Variants in TRIM44 observed in about 807,000 individuals in gnomAD.
The protein encoded by TRIM44 is tripartite motif containing 44, also known as tripartite motif-containing protein 44.
TRIM44 carries 13 observed loss-of-function variants against 37.4 expected under a neutral mutation model. That is an observed-to-expected ratio of 0.35 (90% CI 0.23 to 0.55). The LOEUF (loss-of-function observed/expected upper bound fraction) is 0.55, where lower values mean the gene tolerates loss of function less well. TRIM44 is among the 20% of genes least tolerant of loss of function. The pLI, the probability that TRIM44 is intolerant of heterozygous loss-of-function variation, is 0.89. For synonymous variants in TRIM44, 175 were observed against 157.2 expected (o/e 1.11, Z -0.85); for missense variants, 426 against 437.2 (o/e 0.97, Z 0.23).
At chr11:35,716,055 T>A (rs1192183056) in intron 2 of TRIM44, among the ~76,000 whole-genome samples, 1 of 151,980 alleles carries the variant, frequency 6.6e-6, no homozygotes, top group Non-Finnish European at 1.5e-5. Context: ...CCAAACCATA[T>A]CCAAAAGCAT....
At chr11:35,795,907 G>A (rs541433069) in intron 4 of TRIM44, among the ~76,000 whole-genome samples, 19 of 152,144 alleles carry the variant, frequency 1.2e-4, no homozygotes, top group Non-Finnish European at 2.8e-4. Flanking sequence ...ACTATGTCAA[G>A]CTCTTTATAT....
At chr11:35,692,456 A>G (rs1037763286) in intron 2 of TRIM44, among the ~76,000 whole-genome samples, 2 of 152,090 alleles carry the variant, frequency 1.3e-5, no homozygotes, top group African/African-American at 4.8e-5. Context: ...TGAATTTTGG[A>G]TTTTCAAATA....
At chr11:35,785,789 CAT>C (rs1853124553) in intron 4 of TRIM44, among the ~76,000 whole-genome samples, 1 of 152,218 alleles carries the variant, frequency 6.6e-6, no homozygotes, top group Admixed American at 6.5e-5. Context: ...TCATCCTACA[CAT>C]GTCTTTTGCC....
intron 4 of TRIM44, among the ~76,000 whole-genome samples, chr11:35,797,674 G>A (rs545584699): frequency 5.9e-5 from 9 of 152,262 alleles, no homozygotes; most frequent in East Asian, 1.9e-4. Context: ...GACAGCTTCC[G>A]ATTGAGGGAC....
chr11:35,757,501 A>T (rs994948620), intron 4 of TRIM44, among the ~76,000 whole-genome samples: 1 of 152,048 alleles, frequency 6.6e-6, no homozygotes, highest in Non-Finnish European at 1.5e-5. Context: ...TATTTCCTTC[A>T]GTTCTGTTCT....
chr11:35,791,574 C>T (rs796336166), intron 4 of TRIM44, among the ~76,000 whole-genome samples: 4 of 152,148 alleles, frequency 2.6e-5, no homozygotes, highest in African/African-American at 4.8e-5. Context: ...ACTGGACCAT[C>T]GCACATTTTA....
intron 4 of TRIM44, among the ~76,000 whole-genome samples, chr11:35,776,151 G>C (rs1248310626): frequency 2.0e-5 from 3 of 152,190 alleles, no homozygotes; most frequent in East Asian, 1.9e-4. Context: ...TTCAGAGCCT[G>C]TTATTGGTCT....
intron 2 of TRIM44, among the ~76,000 whole-genome samples, chr11:35,701,620 A>G (rs2135501040): frequency 6.6e-6 from 1 of 152,282 alleles, no homozygotes; most frequent in South Asian, 2.1e-4. Context: ...TCGAGCTCCC[A>G]AGGACATAAC....
intron 4 of TRIM44, among the ~76,000 whole-genome samples, chr11:35,757,001 C>T (rs1342057862): frequency 6.6e-6 from 1 of 152,160 alleles, no homozygotes; most frequent in South Asian, 2.1e-4. Flanking sequence ...GCTTTGGTAT[C>T]AGGATGATGC....
At chr11:35,716,989 G>C (rs1363353637) in intron 2 of TRIM44, among the ~76,000 whole-genome samples, 2 of 152,096 alleles carry the variant, frequency 1.3e-5, no homozygotes, top group African/African-American at 4.8e-5. Flanking sequence ...TCTAATATGT[G>C]GGGCACTGAA....
intron 2 of TRIM44, among the ~76,000 whole-genome samples, chr11:35,722,218 T>C (rs1273560184): frequency 6.6e-6 from 1 of 152,194 alleles, no homozygotes; most frequent in Non-Finnish European, 1.5e-5. Context: ...TTTGGGGAGA[T>C]ATTTAGAGTC....
chr11:35,792,842 C>G (rs1590604871), intron 4 of TRIM44, among the ~76,000 whole-genome samples: 1 of 152,276 alleles, frequency 6.6e-6, no homozygotes, highest in East Asian at 1.9e-4. Flanking sequence ...ATCACTGGTT[C>G]CCTGATGGCA....
At chr11:35,724,102 T>G (rs1262132020) in intron 2 of TRIM44, among the ~76,000 whole-genome samples, 1 of 152,194 alleles carries the variant, frequency 6.6e-6, no homozygotes, top group African/African-American at 2.4e-5. Flanking sequence ...ACTTAGTCAC[T>G]TGATGTGTGA....
intron 4 of TRIM44, among the ~76,000 whole-genome samples, chr11:35,792,676 A>G (rs1853230538): frequency 6.6e-6 from 1 of 152,192 alleles, no homozygotes; most frequent in African/African-American, 2.4e-5. Context: ...CATGTTGCCA[A>G]ACTAGGGGTA....
chr11:35,759,269 C>A (rs184394740), intron 4 of TRIM44, among the ~76,000 whole-genome samples: 2 of 152,298 alleles, frequency 1.3e-5, no homozygotes, highest in African/African-American at 2.4e-5. Context: ...ATCACTGATA[C>A]CCTTTCTACC....
rs34392570 is a variant in TRIM44, at chr11:35,663,285, C to G, written c.174C>G (p.Ala58=). Residue 58 remains alanine (A), a synonymous_variant, in exon 1 of 5, where the codon GCC becomes GCG. Transcript: ENST00000299413. ...AGAAGTTCCTCAGTCACCATCTGGC[C>G]GAATACGTCCACGGCTCCCAGGCCT... The part of the protein sequence containing the change: ...HRQKFLSHHL[A]EYVHGSQAWT... The G allele has an allele frequency of 1.9e-6, 3 of 1,614,032 alleles. No individual in the cohort carries two copies. The highest frequency in any genetic ancestry group is 1.1e-5 in the South Asian group (1 of 91,084).
intron 4 of TRIM44, among the ~76,000 whole-genome samples, chr11:35,775,954 G>A (rs1201466212): frequency 6.6e-6 from 1 of 152,140 alleles, no homozygotes; most frequent in Admixed American, 6.5e-5. Context: ...GTCTCTGCCA[G>A]GCTTTGGTAT....
At position 35,683,394 on chromosome 11, in the gene TRIM44, A is replaced by G. The variant is rs60948172; in HGVS notation, c.670-1865A>G. On this transcript the variant is annotated intron_variant, in intron 1 of 4. Coordinates refer to ENST00000299413, the MANE Select transcript of TRIM44 (RefSeq NM_017583.6). Reference sequence around the variant, plus strand: ...GTTGTGTCTGATTTTTACTGTGTAGACTTGAGAGGCAAGAGAGGTCAGAGG... The same window carrying G: ...GTTGTGTCTGATTTTTACTGTGTAGGCTTGAGAGGCAAGAGAGGTCAGAGG... 8.8e-3 allele frequency among the ~76,000 whole-genome samples: 1,339 copies of G among 152,304 alleles called. 16 individuals carry two copies. Among genetic ancestry groups the G allele is most frequent in the African/African-American group, 0.03 (1,245 of 41,556 alleles).
intron 4 of TRIM44, among the ~76,000 whole-genome samples, chr11:35,796,008 G>A (rs890013162): frequency 6.6e-6 from 1 of 152,092 alleles, no homozygotes; most frequent in Non-Finnish European, 1.5e-5. Flanking sequence ...TTCCAAGTAC[G>A]AACACCGACC....
Sources: allele counts gnomAD v4.1 joint callset (sites outside exome capture counted in the v4.1 genomes callset), GRCh38; gene constraint gnomAD v4.1.1; transcripts MANE v1.5; gene names NCBI Gene and HGNC (gene_info 2026-07-23, HGNC 2026-07-21).